LACTB: variants seen among roughly 807,000 people sequenced by gnomAD.
LACTB encodes lactamase beta, also known as serine beta-lactamase-like protein LACTB, mitochondrial.
A neutral mutation model predicts 50.2 loss-of-function variants in LACTB; 35 were observed. The ratio of observed to expected loss-of-function variants is 0.70; its 90% CI spans 0.53 to 0.92. The LOEUF (loss-of-function observed/expected upper bound fraction) is 0.92. Ranked by LOEUF, LACTB falls within the 40% of genes least tolerant of loss-of-function variation. LACTB has a pLI of 0.00. For missense variants in LACTB, 664 were observed against 691.8 expected (o/e 0.96, Z 0.45); for synonymous variants, 252 against 268.2 (o/e 0.94, Z 0.59).
chr15:63,122,885 C>T (rs1230918303), intron 2 of LACTB, among the ~76,000 whole-genome samples, 183 bp downstream of exon 2: 5 of 152,118 alleles, frequency 3.3e-5, no homozygotes, highest in East Asian at 1.9e-4. Context: ...TAAAATGTGA[C>T]TAATAAATTG....
intron 5 of LACTB, among the ~76,000 whole-genome samples, chr15:63,140,455 A>G (rs1001553724): frequency 2.0e-5 from 3 of 152,204 alleles, no homozygotes; most frequent in Admixed American, 2.0e-4. Flanking sequence ...CTTCAGACAC[A>G]TACCTGTGGC....
chr15:63,123,431 T>C (rs1335442038), intron 2 of LACTB, among the ~76,000 whole-genome samples: 1 of 152,090 alleles, frequency 6.6e-6, no homozygotes, highest in Non-Finnish European at 1.5e-5. Context: ...TACACTATTG[T>C]AGGGACCAGC....
intron 5 of LACTB, among the ~76,000 whole-genome samples, chr15:63,134,812 A>ATGTGTGTGTG (rs59941185): frequency 0.029 from 4,352 of 148,580 alleles, 206 homozygotes; most frequent in African/African-American, 0.096. Flanking sequence ...TGTGTGTGTG[A>ATGTGTGTGTG]TGTGTGTGTG....
chr15:63,121,871 C>A lies in LACTB; in HGVS notation c.-1C>A. On this transcript the variant is annotated 5_prime_UTR_variant, in exon 1 of 6. Transcript: ENST00000261893. ...GTGGCGGCCGGCTGTGCAGAGACGC[C>A]ATGTACCGGCTCATGTCAGCAGTGA... 7.2e-7 allele frequency: 1 copy of A among 1,381,918 alleles called. No homozygotes were observed. The highest frequency in any genetic ancestry group is 9.3e-7 in the Non-Finnish European group (1 of 1,074,266). The allele number at this position is 1,381,918 out of a possible 1,614,324, so 85.6% of individuals were successfully genotyped here. A position where few individuals can be genotyped will look rare whatever the true frequency, so the allele number is the denominator to read the frequency against.
chr15:63,129,431 T>G (rs2037099067), intron 4 of LACTB, 54 bp from the exon 5 acceptor site: 1 of 1,435,744 alleles, frequency 7.0e-7, no homozygotes, highest in Non-Finnish European at 9.3e-7. Context: ...TTTATATGTT[T>G]TTGAATAATA....
chr15:63,141,516 T>C lies in LACTB; in HGVS notation c.1355T>C (p.Met452Thr). ...TGGACCCCAGTCCCTAACACAGAGA[T>C]GTCTTGGGATAAAGAGGGTAAATAT... ...MMWTPVPNTEMSWDKEGKYAM... is the reference protein window; with the variant it reads ...MMWTPVPNTETSWDKEGKYAM... Residue 452 changes from methionine (M) to threonine (T), a missense_variant, in exon 6 of 6, where the codon ATG becomes ACG. By Grantham distance (81) the Met-to-Thr change is moderately conservative. Coordinates refer to ENST00000261893, the MANE Select transcript of LACTB (RefSeq NM_032857.5). 1 of 1,614,210 alleles carries C rather than the reference T, an allele frequency of 6.2e-7. No homozygotes were observed. The highest frequency in any genetic ancestry group is 8.5e-7 in the Non-Finnish European group (1 of 1,180,042).
At chr15:63,140,253 A>G (rs772760656) in intron 5 of LACTB, among the ~76,000 whole-genome samples, 6 of 152,224 alleles carry the variant, frequency 3.9e-5, no homozygotes, top group African/African-American at 1.4e-4. Flanking sequence ...GAGAGTTGTC[A>G]TAGGAATAGA....
intron 5 of LACTB, among the ~76,000 whole-genome samples, chr15:63,134,963 T>A (rs1429348386): frequency 2.0e-5 from 3 of 152,232 alleles, no homozygotes; most frequent in Admixed American, 6.5e-5. Context: ...TAGTAATTTG[T>A]GAAAGGGGCT....
At chr15:63,127,124 C>G (rs2037063868) in intron 3 of LACTB, 75 bp downstream of exon 3, 11 of 1,174,584 alleles carry the variant, frequency 9.4e-6, no homozygotes, top group Non-Finnish European at 1.3e-5. Flanking sequence ...TAAAATGTTT[C>G]ATAGGATTCT....
At chr15:63,139,885 G>T (rs540953006) in intron 5 of LACTB, among the ~76,000 whole-genome samples, 1 of 151,494 alleles carries the variant, frequency 6.6e-6, no homozygotes, top group East Asian at 1.9e-4. Flanking sequence ...ATTGCTTGAG[G>T]CCAGGAGTTC....
intron 4 of LACTB, among the ~76,000 whole-genome samples, chr15:63,128,152 G>A (rs943121431): frequency 6.6e-6 from 1 of 151,636 alleles, no homozygotes; most frequent in Non-Finnish European, 1.5e-5. Context: ...TTTTTGATTT[G>A]GTGCCTATTG....
chr15:63,131,385 C>G (rs1434254617), intron 5 of LACTB: 1 of 152,176 alleles, frequency 6.6e-6, no homozygotes, highest in African/African-American at 2.4e-5. Context: ...TATAATCTGT[C>G]ACTGTCATTA....
chr15:63,139,708 G>A (rs1021835089), intron 5 of LACTB, among the ~76,000 whole-genome samples: 5 of 149,688 alleles, frequency 3.3e-5, no homozygotes, highest in African/African-American at 9.8e-5. Flanking sequence ...GTGGCAGCAC[G>A]TGTAATCCCA....
rs369446060 is a variant in LACTB, at chr15:63,141,640, T to A, written c.1479T>A (p.Ser493Arg). 1.9e-6 allele frequency: 3 copies of A among 1,614,066 alleles called. No individual in the cohort carries two copies. The East Asian group carries it at 6.7e-5, about 36-fold the overall frequency. ...ASHTGGAVGA[S>R]SVLLVLPEEL... ...ATACTGGAGGGGCAGTGGGTGCCAG[T>A]AGTGTCCTGCTGGTCCTTCCTGAAG... Residue 493 changes from serine to arginine, a missense_variant, in exon 6 of 6, where the codon AGT becomes AGA. Physicochemically the swap from Ser to Arg is moderately radical, Grantham distance 110. Coordinates refer to ENST00000261893, the MANE Select transcript of LACTB (RefSeq NM_032857.5).
At chr15:63,133,859 A>G (rs2037153614) in intron 5 of LACTB, among the ~76,000 whole-genome samples, 3 of 152,340 alleles carry the variant, frequency 2.0e-5, no homozygotes, top group African/African-American at 7.2e-5. Flanking sequence ...AAATGCGATA[A>G]AGATTTGTTT....
chr15:63,122,244 C>G lies in LACTB; in HGVS notation c.357+16C>G, dbSNP rs573955303. 1.3e-6 allele frequency: 2 copies of G among 1,534,450 alleles called. No homozygotes were observed. The highest frequency in any genetic ancestry group is 2.4e-5 in the South Asian group (2 of 82,430). On this transcript the variant is annotated intron_variant, in intron 1 of 5. Coordinates refer to ENST00000261893, the MANE Select transcript of LACTB (RefSeq NM_032857.5). The stretch of plus-strand genomic sequence containing the variant: ...CAGGATCAAGGTGCGGCCACTGGAG[C>G]GGGGGGCGTAGGGGGCCGGGGATCC...
chr15:63,129,563 T>C lies in LACTB; in HGVS notation c.1031T>C (p.Leu344Ser). The change falls in exon 5 of 6, where the codon TTG becomes TCG. Residue 344 changes from leucine (L) to serine (S), a missense_variant. Physicochemically the swap from Leu to Ser is moderately radical, Grantham distance 145. Coordinates refer to ENST00000261893, the MANE Select transcript of LACTB (RefSeq NM_032857.5). ...GAGAGAGCTTCAGGATGTAAATATT[T>C]GGACTATATGCAGAAAATATTCCAT... The part of the protein sequence containing the change: ...IVERASGCKY[L>S]DYMQKIFHDL... The C allele has an allele frequency of 6.2e-7, 1 of 1,613,684 alleles. No individual in the cohort carries two copies. The highest frequency in any genetic ancestry group is 8.5e-7 in the Non-Finnish European group (1 of 1,179,784).
intron 5 of LACTB, 33 bp downstream of exon 5, chr15:63,129,683 A>G (rs767978346): frequency 7.6e-6 from 11 of 1,453,108 alleles, no homozygotes; most frequent in Non-Finnish European, 1.0e-5. Context: ...GTCTAGCTAT[A>G]TCGCATCTTA....
At chr15:63,126,172 C>G (rs139698923) in intron 2 of LACTB, among the ~76,000 whole-genome samples, 3 of 152,252 alleles carry the variant, frequency 2.0e-5, no homozygotes, top group African/African-American at 7.2e-5. Context: ...GAGACAGTTT[C>G]ACTTTGTCGC....
Sources: gnomAD v4.1 joint callset for allele counts (sites outside exome capture counted in the v4.1 genomes callset) on GRCh38, gnomAD v4.1.1 for gene constraint, MANE v1.5 for transcripts, NCBI Gene and HGNC (gene_info 2026-07-23, HGNC 2026-07-21) for gene names.